JAM2: variants seen among roughly 807,000 people sequenced by gnomAD.
The protein encoded by JAM2 is junctional adhesion molecule B.
Under a neutral mutation model 42.0 loss-of-function variants are expected in JAM2, and 17 were observed. The ratio of observed to expected loss-of-function variants is 0.40; its 90% CI spans 0.28 to 0.61. The LOEUF (loss-of-function observed/expected upper bound fraction) is 0.61, where lower values mean the gene tolerates loss of function less well. JAM2 is among the 20% of genes least tolerant of loss of function. The pLI is 0.37. For synonymous variants in JAM2, 118 were observed against 128.6 expected (o/e 0.92, Z 0.56); for missense variants, 319 against 358.3 (o/e 0.89, Z 0.89).
At chr21:25,682,844 G>C (rs993668131) in intron 1 of JAM2, among the ~76,000 whole-genome samples, 1 of 151,950 alleles carries the variant, frequency 6.6e-6, no homozygotes, top group Non-Finnish European at 1.5e-5. Context: ...CTGGAGTTTG[G>C]CCATCCAGAG....
At chr21:25,688,066 C>T (rs1014627166) in intron 2 of JAM2, among the ~76,000 whole-genome samples, 2 of 152,186 alleles carry the variant, frequency 1.3e-5, no homozygotes, top group African/African-American at 4.8e-5. Flanking sequence ...AAGTACTCAA[C>T]CTATTTTGGA....
At chr21:25,658,065 G>C (rs925640357) in intron 1 of JAM2, among the ~76,000 whole-genome samples, 7 of 152,250 alleles carry the variant, frequency 4.6e-5, no homozygotes, top group African/African-American at 1.4e-4. Context: ...CAATAATTTT[G>C]CCCCTTACAT....
chr21:25,669,954 C>A (rs565811114), intron 1 of JAM2, among the ~76,000 whole-genome samples: 1 of 152,264 alleles, frequency 6.6e-6, no homozygotes, highest in South Asian at 2.1e-4. Context: ...GGGGTAAAGT[C>A]AGTTCTGATA....
At chr21:25,689,598 C>T (rs1004483026) in intron 2 of JAM2, among the ~76,000 whole-genome samples, 4 of 152,188 alleles carry the variant, frequency 2.6e-5, no homozygotes, top group African/African-American at 9.7e-5. Flanking sequence ...TTTGAAGACT[C>T]ACAACAACTC....
At chr21:25,659,928 T>C (rs915594534) in intron 1 of JAM2, among the ~76,000 whole-genome samples, 2 of 152,144 alleles carry the variant, frequency 1.3e-5, no homozygotes, top group Non-Finnish European at 2.9e-5. Context: ...AGTTTGTTGT[T>C]GTTGTTTTTC....
At position 25,640,774 on chromosome 21, in the gene JAM2, CCCTT is replaced by C. The variant is rs574654716; in HGVS notation, c.67+898_67+901del. Among the ~76,000 whole-genome samples, 60 of 151,690 alleles carry C rather than the reference CCCTT, an allele frequency of 4.0e-4. No homozygotes were observed. The South Asian group carries it at 8.5e-3, about 22-fold the overall frequency. On this transcript the variant is annotated intron_variant, in intron 1 of 9. Transcript: ENST00000480456. ...CTCACCTTTTTTGTTTTGCTTTTTT[CCCTT>C]CCTTCCTTCCTCCCTTCCTTTCTCT...
At chr21:25,688,310 A>G (rs769783219) in intron 2 of JAM2, among the ~76,000 whole-genome samples, 1 of 115,274 alleles carries the variant, frequency 8.7e-6, no homozygotes, top group East Asian at 2.1e-4. Context: ...GCACACACAC[A>G]TGCGTATCTA....
At chr21:25,655,267 A>G (rs988295108) in intron 1 of JAM2, among the ~76,000 whole-genome samples, 15 of 151,486 alleles carry the variant, frequency 9.9e-5, no homozygotes, top group South Asian at 6.2e-4. Flanking sequence ...TTTTGTATAT[A>G]TTTGAAAATT....
At chr21:25,659,036 T>G (rs2033012085) in intron 1 of JAM2, among the ~76,000 whole-genome samples, 1 of 152,134 alleles carries the variant, frequency 6.6e-6, no homozygotes, top group Non-Finnish European at 1.5e-5. Context: ...TATTCACAAC[T>G]CAAATCAAAT....
chr21:25,688,285 C>T (rs557132029), intron 2 of JAM2, among the ~76,000 whole-genome samples: 53 of 132,260 alleles, frequency 4.0e-4, no homozygotes, highest in Non-Finnish European at 5.7e-4. Flanking sequence ...TGTGTGTACA[C>T]GCGCCCACAC....
chr21:25,685,708 C>T (rs1442685297), intron 2 of JAM2, among the ~76,000 whole-genome samples: 1 of 151,972 alleles, frequency 6.6e-6, no homozygotes, highest in African/African-American at 2.4e-5. Flanking sequence ...AGGAAATTAA[C>T]GATTGAGGGA....
chr21:25,703,939 A>G (rs1018947593), intron 6 of JAM2, among the ~76,000 whole-genome samples: 1 of 152,232 alleles, frequency 6.6e-6, no homozygotes, highest in African/African-American at 2.4e-5. Flanking sequence ...ACTGAAGAAA[A>G]ATAACATAAA....
intron 1 of JAM2, among the ~76,000 whole-genome samples, chr21:25,662,201 G>A (rs1353834390): frequency 6.6e-6 from 1 of 152,088 alleles, no homozygotes; most frequent in Non-Finnish European, 1.5e-5. Context: ...CAGCTGGAGT[G>A]CAGTGATACA....
chr21:25,699,596 G>T (rs550433755), intron 5 of JAM2, among the ~76,000 whole-genome samples: 10 of 151,790 alleles, frequency 6.6e-5, no homozygotes, highest in African/African-American at 2.4e-4. Flanking sequence ...GGTGGCGGGC[G>T]CCTGTAGTCC....
chr21:25,704,564 T>C (rs2034233329), intron 6 of JAM2, among the ~76,000 whole-genome samples: 1 of 152,232 alleles, frequency 6.6e-6, no homozygotes, highest in African/African-American at 2.4e-5. Context: ...TGCTATGTAA[T>C]ATTTTCTCTA....
intron 1 of JAM2, among the ~76,000 whole-genome samples, chr21:25,657,712 T>C (rs1391646212): frequency 6.6e-6 from 1 of 152,220 alleles, no homozygotes; most frequent in African/African-American, 2.4e-5. Context: ...ATTTGTTAAA[T>C]GAAAGGGTTT....
At chr21:25,712,926 T>C (rs1284675774) in intron 9 of JAM2, among the ~76,000 whole-genome samples, 1 of 152,180 alleles carries the variant, frequency 6.6e-6, no homozygotes, top group African/African-American at 2.4e-5. Flanking sequence ...AAACAACAAA[T>C]TTATTTTCAG....
At chr21:25,666,158 A>G (rs2033214384) in intron 1 of JAM2, among the ~76,000 whole-genome samples, 1 of 152,146 alleles carries the variant, frequency 6.6e-6, no homozygotes, top group Admixed American at 6.5e-5. Context: ...GGTAAAATTA[A>G]CTATCACAAT....
intron 5 of JAM2, among the ~76,000 whole-genome samples, chr21:25,699,493 T>C (rs571350108): frequency 3.2e-4 from 48 of 151,852 alleles, no homozygotes; most frequent in East Asian, 3.1e-3. Context: ...GAGGCCGAGG[T>C]GGGCGGATCA....
Sources: allele counts gnomAD v4.1 joint callset (sites outside exome capture counted in the v4.1 genomes callset), GRCh38; gene constraint gnomAD v4.1.1; transcripts MANE v1.5; gene names NCBI Gene and HGNC (gene_info 2026-07-23, HGNC 2026-07-21).